The following GGA2 variants were observed in gnomAD, a reference collection of about 807,000 sequenced individuals.
The protein encoded by GGA2 is ADP-ribosylation factor-binding protein GGA2.
A neutral mutation model predicts 79.5 loss-of-function variants in GGA2; 48 were observed. That is an observed-to-expected ratio of 0.60 (90% CI 0.48 to 0.77). GGA2 has a LOEUF of 0.77. Ranked by LOEUF, GGA2 falls within the 30% of genes least tolerant of loss-of-function variation. GGA2 has a pLI of 0.00. For missense variants in GGA2, 770 were observed against 774.0 expected, an observed-to-expected ratio of 0.99 and a Z score of 0.06; for synonymous variants, 317 against 302.0, an observed-to-expected ratio of 1.05 and a Z score of -0.51.
intron 2 of GGA2, among the ~76,000 whole-genome samples, chr16:23,519,359 C>T (rs1404368408): frequency 6.6e-6 from 1 of 152,094 alleles, no homozygotes; most frequent in African/African-American, 2.4e-5. Context: ...AAGATACTCT[C>T]TAAACAACAC....
Position 23,478,923 on chromosome 16 carries a change from G to GAGT in GGA2, c.1130-15_1130-13dup. 6.3e-7 allele frequency: 1 copy of GAGT among 1,587,858 alleles called. No individual in the cohort carries two copies. Among genetic ancestry groups the GAGT allele is most frequent in the Non-Finnish European group, 8.6e-7 (1 of 1,156,386 alleles). On this transcript the variant is annotated splice_polypyrimidine_tract_variant and intron_variant, in intron 11 of 16. Transcript: ENST00000309859. The stretch of plus-strand genomic sequence containing the variant: ...AGCATCACTGATTCCTGTAAGAAAG[G>GAGT]AGTAGAGTGAGATGCCTAACAGTAA...
chr16:23,491,570 C>T (rs1319714538), intron 5 of GGA2, 107 bp downstream of exon 5: 3 of 869,146 alleles, frequency 3.5e-6, no homozygotes, highest in Non-Finnish European at 5.4e-6. Flanking sequence ...TGTCTATGGT[C>T]CTACATAAGA....
rs1340365118 is a variant in GGA2 at position 23,465,385 on chromosome 16, T to C, written c.*2205A>G. On this transcript the variant is annotated 3_prime_UTR_variant, in exon 17 of 17. Transcript: ENST00000309859. ...AGTGATGCCATAAACCACAGCCACT[T>C]TCAGGACAGCAGCCTGCCTCCTCTC... The C allele has an allele frequency of 1.4e-6, 1 of 702,862 alleles. No homozygotes were observed. Among genetic ancestry groups the C allele is most frequent in the African/African-American group, 1.7e-5 (1 of 57,246 alleles). The allele number at this position is 702,862 out of a possible 1,614,324, so 43.5% of individuals were successfully genotyped here.
At chr16:23,493,713 A>G (rs1964819307) in intron 3 of GGA2, 2 of 443,646 alleles carry the variant, frequency 4.5e-6, no homozygotes, top group Admixed American at 3.7e-5. Flanking sequence ...CCCTGAGGTC[A>G]CCCCACCTTT....
chr16:23,489,239 T>C lies in GGA2; in HGVS notation c.476-530A>G, dbSNP rs112777996. ...CTGGAAAGTGTGCAAATTCACAATA[T>C]TTTTGTTGTTTTTGAGACAGATTCT... On this transcript the variant is annotated intron_variant, in intron 5 of 16. Coordinates refer to ENST00000309859, the MANE Select transcript of GGA2 (RefSeq NM_015044.4). Among the ~76,000 whole-genome samples, 1,418 of 152,222 alleles carry C rather than the reference T, an allele frequency of 9.3e-3. 23 individuals carry two copies. Among genetic ancestry groups the C allele is most frequent in the African/African-American group, 0.033 (1,374 of 41,528 alleles).
chr16:23,472,405 C>G (rs1014640173), intron 14 of GGA2, among the ~76,000 whole-genome samples: 4 of 151,522 alleles, frequency 2.6e-5, no homozygotes, highest in Non-Finnish European at 5.9e-5. Flanking sequence ...ACCATGTTGG[C>G]CAGGTTGGTC....
At chr16:23,476,695 T>C (rs143268241) in intron 13 of GGA2, among the ~76,000 whole-genome samples, 3,734 of 152,284 alleles carry the variant, frequency 0.025, 97 homozygotes, top group Middle Eastern at 0.065. Flanking sequence ...ACTACATGTA[T>C]ACAAAAAAAG....
At chr16:23,483,866 T>C (rs1596983926) in intron 8 of GGA2, among the ~76,000 whole-genome samples, 1 of 151,178 alleles carries the variant, frequency 6.6e-6, no homozygotes. Context: ...AGGCTGGTCT[T>C]GAACTCCTGA....
At chr16:23,500,654 G>A (rs1237756948) in intron 1 of GGA2, among the ~76,000 whole-genome samples, 1 of 152,270 alleles carries the variant, frequency 6.6e-6, no homozygotes, top group Non-Finnish European at 1.5e-5. Flanking sequence ...CCCAATGCCA[G>A]CCCCAAGCAA....
In GGA2 at chr16:23,493,384, T is replaced by C; in HGVS notation, c.327A>G (p.Glu109=). ...CCTTTGGGGACAACACTTTGATCAG[T>C]TCGTTCAGGAAACGAAATTTGGCCA... ...SEVAKFRFLN[E]LIKVLSPKYL... Residue 109 remains glutamate, a synonymous_variant, in exon 4 of 17, where the codon GAA becomes GAG. Coordinates refer to ENST00000309859, the MANE Select transcript of GGA2 (RefSeq NM_015044.4). The C allele has an allele frequency of 6.2e-7, 1 of 1,608,326 alleles. No homozygotes were observed. Among genetic ancestry groups the C allele is most frequent in the South Asian group, 1.1e-5 (1 of 90,944 alleles).
At chr16:23,494,809 C>T (rs1234199686) in intron 2 of GGA2, among the ~76,000 whole-genome samples, 1 of 152,238 alleles carries the variant, frequency 6.6e-6, no homozygotes, top group Non-Finnish European at 1.5e-5. Flanking sequence ...GGGCCAGGCA[C>T]AGTGGCTCAC....
intron 3 of GGA2, chr16:23,494,031 C>T: frequency 2.1e-6 from 1 of 480,966 alleles, no homozygotes; most frequent in African/African-American, 1.9e-5. Flanking sequence ...ATGAACTTGC[C>T]AGCCCTGGTC....
At chr16:23,473,360 CAG>C (rs994084196) in intron 14 of GGA2, among the ~76,000 whole-genome samples, 4 of 28,954 alleles carry the variant, frequency 1.4e-4, no homozygotes, top group African/African-American at 3.0e-4. Flanking sequence ...TTTTTTTAGA[CAG>C]AGTCTTCTCT....
chr16:23,486,873 C>T (rs1327079625), intron 6 of GGA2, 83 bp from the exon 7 acceptor site: 9 of 822,256 alleles, frequency 1.1e-5, no homozygotes, highest in Non-Finnish European at 1.7e-5. Flanking sequence ...GAAGAGTTAA[C>T]ACTAACAACA....
chr16:23,510,552 G>GAC, upstream of GGA2: 1 of 310,628 alleles, frequency 3.2e-6, no homozygotes, highest in Non-Finnish European at 5.6e-6. Flanking sequence ...GCCCACCCCA[G>GAC]GCCCCCCCTC....
At chr16:23,524,309 G>A, upstream of GGA2, 1 of 1,479,860 alleles carries the variant, frequency 6.8e-7, no homozygotes, top group Non-Finnish European at 9.4e-7. Context: ...TCTGGTCTCT[G>A]AAAGCTGTTT....
chr16:23,503,907 C>T (rs1158047188), intron 1 of GGA2, among the ~76,000 whole-genome samples: 2 of 152,088 alleles, frequency 1.3e-5, no homozygotes, highest in African/African-American at 4.8e-5. Flanking sequence ...CATGGAGAAA[C>T]CCCGTCTCTA....
intron 2 of GGA2, among the ~76,000 whole-genome samples, chr16:23,494,856 T>C (rs1281229699): frequency 1.3e-5 from 2 of 151,344 alleles, no homozygotes; most frequent in Non-Finnish European, 2.9e-5. Context: ...TCAGGGCAGG[T>C]GGATCACCTG....
At chr16:23,489,518 G>C (rs553003366) in intron 5 of GGA2, among the ~76,000 whole-genome samples, 1 of 152,320 alleles carries the variant, frequency 6.6e-6, no homozygotes, top group East Asian at 1.9e-4. Context: ...GGGATCACAG[G>C]CGTGAGCCAC....
Sources: gnomAD v4.1 joint callset for allele counts (sites outside exome capture counted in the v4.1 genomes callset) on GRCh38, gnomAD v4.1.1 for gene constraint, MANE v1.5 for transcripts, NCBI Gene and HGNC (gene_info 2026-07-23, HGNC 2026-07-21) for gene names.